Variants in RARB observed in about 807,000 individuals in gnomAD.
The protein encoded by RARB is HBV-activated protein.
A neutral mutation model predicts 51.9 loss-of-function variants in RARB; 17 were observed. That is an observed-to-expected ratio of 0.33 (90% confidence interval 0.22 to 0.49). The LOEUF (loss-of-function observed/expected upper bound fraction) is 0.49, where lower values mean the gene tolerates loss of function less well. Among genes scored for constraint, RARB ranks in the 20% least tolerant of loss-of-function variants. The probability of loss-of-function intolerance (pLI) is 0.99; values close to 1 mark genes in which losing one functional copy is unlikely to be tolerated. For missense variants in RARB, 369 were observed against 550.8 expected (o/e 0.67, Z 3.30); for synonymous variants, 215 against 195.4 (o/e 1.10, Z -0.84).
At chr3:24,952,725 T>A (rs1408780444) in intron 2 of RARB, among the ~76,000 whole-genome samples, 1 of 151,878 alleles carries the variant, frequency 6.6e-6, no homozygotes, top group Non-Finnish European at 1.5e-5. Flanking sequence ...CCCCATTATC[T>A]CCTGTCACCC....
At chr3:25,357,018 G>A (rs1575338211) in intron 5 of RARB, among the ~76,000 whole-genome samples, 2 of 152,062 alleles carry the variant, frequency 1.3e-5, no homozygotes, top group African/African-American at 4.8e-5. Flanking sequence ...ATAATCCTTT[G>A]GGTATATACC....
intron 3 of RARB, among the ~76,000 whole-genome samples, chr3:25,524,913 G>C (rs1364765787): frequency 2.6e-5 from 4 of 151,840 alleles, no homozygotes; most frequent in Admixed American, 2.6e-4. Context: ...TATATTTATA[G>C]AGACAGGGTT....
upstream of RARB, among the ~76,000 whole-genome samples, chr3:25,425,513 A>G (rs1232341040): frequency 2.6e-5 from 4 of 152,348 alleles, no homozygotes; most frequent in Middle Eastern, 3.4e-3. Flanking sequence ...ACTAGCGAAT[A>G]TTGTCATATT....
At chr3:25,516,531 A>T (rs1255111345) in intron 3 of RARB, among the ~76,000 whole-genome samples, 1 of 152,158 alleles carries the variant, frequency 6.6e-6, no homozygotes, top group Non-Finnish European at 1.5e-5. Flanking sequence ...GTTAACAAAA[A>T]GTTTTGGCTG....
chr3:25,174,682 C>T, intron 5 of RARB: 1 of 1,087,942 alleles, frequency 9.2e-7, no homozygotes, highest in Non-Finnish European at 1.2e-6. Flanking sequence ...TCATTGGGTG[C>T]TGGTTTCTTT....
At chr3:24,955,044 T>C (rs1695980128) in intron 2 of RARB, among the ~76,000 whole-genome samples, 2 of 152,174 alleles carry the variant, frequency 1.3e-5, no homozygotes, top group African/African-American at 2.4e-5. Context: ...CATCCTGCCC[T>C]CTTGGTACCC....
chr3:25,048,469 ATAT>A (rs1267790127), intron 2 of RARB, among the ~76,000 whole-genome samples: 1 of 152,206 alleles, frequency 6.6e-6, no homozygotes, highest in East Asian at 1.9e-4. Flanking sequence ...TTGAAGGAGT[ATAT>A]TATTCTGTCA....
intron 2 of RARB, among the ~76,000 whole-genome samples, chr3:24,978,436 G>C (rs1026403783): frequency 2.6e-5 from 4 of 152,122 alleles, no homozygotes; most frequent in Non-Finnish European, 5.9e-5. Flanking sequence ...TTCAGAACCT[G>C]TTATTGGCCT....
chr3:25,422,605 C>T (rs1446625773), intron 5 of RARB, among the ~76,000 whole-genome samples: 4 of 151,920 alleles, frequency 2.6e-5, no homozygotes, highest in African/African-American at 9.7e-5. Flanking sequence ...CCCAAAACTC[C>T]TTCTTATGGA....
At chr3:25,040,461 A>C (rs1698088926) in intron 2 of RARB, among the ~76,000 whole-genome samples, 1 of 152,190 alleles carries the variant, frequency 6.6e-6, no homozygotes, top group African/African-American at 2.4e-5. Context: ...GGCCAGGCAC[A>C]GTGGGTTACA....
At chr3:25,196,120 T>A (rs1406378476) in intron 5 of RARB, among the ~76,000 whole-genome samples, 1 of 152,074 alleles carries the variant, frequency 6.6e-6, no homozygotes, top group Non-Finnish European at 1.5e-5. Context: ...GTGCACAAAG[T>A]ACAGGTTTAT....
At chr3:25,528,930 A>G (rs1407793768) in intron 3 of RARB, among the ~76,000 whole-genome samples, 2 of 151,988 alleles carry the variant, frequency 1.3e-5, no homozygotes, top group African/African-American at 4.8e-5. Flanking sequence ...TCCTTCAGCC[A>G]TGCTACTCTC....
chr3:25,502,917 AG>A (rs935381363), intron 3 of RARB, among the ~76,000 whole-genome samples: 2 of 152,200 alleles, frequency 1.3e-5, no homozygotes, highest in African/African-American at 4.8e-5. Context: ...CACTGCCTCC[AG>A]GTCGTTTTGT....
At chr3:25,016,653 G>A (rs1247505419) in intron 2 of RARB, among the ~76,000 whole-genome samples, 4 of 152,108 alleles carry the variant, frequency 2.6e-5, no homozygotes, top group African/African-American at 9.7e-5. Context: ...TTATCTGGGG[G>A]AACGTAATTT....
chr3:25,371,043 G>A (rs1038945430), intron 5 of RARB, among the ~76,000 whole-genome samples: 4 of 152,024 alleles, frequency 2.6e-5, no homozygotes, highest in African/African-American at 9.7e-5. Flanking sequence ...TGGATTTAGG[G>A]CCCCCTTGGA....
At chr3:24,925,441 G>A (rs935638892) in intron 2 of RARB, among the ~76,000 whole-genome samples, 2 of 151,910 alleles carry the variant, frequency 1.3e-5, no homozygotes, top group Non-Finnish European at 2.9e-5. Flanking sequence ...TCAGGAATTT[G>A]AGACCAGCCT....
At chr3:25,216,589 G>C (rs554521015) in intron 5 of RARB, among the ~76,000 whole-genome samples, 1 of 151,974 alleles carries the variant, frequency 6.6e-6, no homozygotes. Context: ...ATTGGGGGGT[G>C]GGGGGTTGTG....
intron 3 of RARB, among the ~76,000 whole-genome samples, chr3:25,509,113 CA>C (rs1350147825): frequency 1.3e-5 from 2 of 152,150 alleles, no homozygotes; most frequent in African/African-American, 4.8e-5. Flanking sequence ...TAGAACAGCA[CA>C]GGGCAAAGAA....
At chr3:25,041,817 A>G (rs1055542353) in intron 2 of RARB, among the ~76,000 whole-genome samples, 8 of 152,224 alleles carry the variant, frequency 5.3e-5, no homozygotes, top group Admixed American at 1.3e-4. Context: ...TCACAAATTC[A>G]GAATTAATGA....
Sources: gnomAD v4.1 joint callset for allele counts (sites outside exome capture counted in the v4.1 genomes callset) on GRCh38, gnomAD v4.1.1 for gene constraint, MANE v1.5 for transcripts, NCBI Gene and HGNC (gene_info 2026-07-23, HGNC 2026-07-21) for gene names.